Variants in ZNF592 observed in about 807,000 individuals in gnomAD.
ZNF592 encodes the protein spinocerebellar ataxia, autosomal recessive 5.
In ZNF592, 11 loss-of-function variants were observed where a neutral mutation model predicts 80.3. The observed-to-expected ratio is 0.14, with a 90% CI of 0.09 to 0.23. The LOEUF is 0.23. ZNF592 is among the 10% of genes least tolerant of loss of function. ZNF592 has a pLI of 1.00. For synonymous variants in ZNF592, 646 were observed against 640.3 expected (o/e 1.01, Z -0.13); for missense variants, 1,420 against 1,633.9 (o/e 0.87, Z 2.26).
intron 4 of ZNF592, among the ~76,000 whole-genome samples, chr15:84,785,567 C>T (rs961129424): frequency 2.6e-5 from 4 of 152,256 alleles, no homozygotes; most frequent in Non-Finnish European, 4.4e-5. Flanking sequence ...CCACCTCAGC[C>T]TCCCAGAGTG....
chr15:84,790,458 G>A (rs1057402019), intron 4 of ZNF592, among the ~76,000 whole-genome samples: 2 of 152,176 alleles, frequency 1.3e-5, no homozygotes, highest in Non-Finnish European at 2.9e-5. Context: ...GGCGGAACTG[G>A]TCTTTGAGAG....
At chr15:84,749,437 C>T (rs558467230) in intron 1 of ZNF592, among the ~76,000 whole-genome samples, 15 of 152,086 alleles carry the variant, frequency 9.9e-5, no homozygotes, top group Non-Finnish European at 1.6e-4. Flanking sequence ...CTGAGTACTG[C>T]AGGATTATTG....
chr15:84,782,557 G>A lies in ZNF592; in HGVS notation c.-19-100G>A, dbSNP rs1962448289. On this transcript the variant is annotated intron_variant, in intron 3 of 10. Coordinates refer to ENST00000560079, the MANE Select transcript of ZNF592 (RefSeq NM_014630.3). ...GTCATAGTATGTGGGGTTCTGCATG[G>A]GTGTGCTGGCTGTGTGTGCATTAGT... is the stretch of plus-strand genomic sequence containing the variant. 17 of 1,098,834 alleles carry A rather than the reference G, an allele frequency of 1.5e-5. No homozygotes were observed. The South Asian group carries it at 2.1e-4, about 14-fold the overall frequency. 68.1% of individuals were successfully genotyped at this position (1,098,834 alleles called of 1,614,324 possible).
At chr15:84,782,444 C>G (rs1224028324) in intron 3 of ZNF592, among the ~76,000 whole-genome samples, 2 of 152,140 alleles carry the variant, frequency 1.3e-5, no homozygotes, top group African/African-American at 4.8e-5. Context: ...AGGCTTGTTG[C>G]TACATTTCAC....
intron 2 of ZNF592, among the ~76,000 whole-genome samples, chr15:84,777,210 C>G (rs990349781): frequency 2.6e-5 from 4 of 151,690 alleles, no homozygotes; most frequent in Non-Finnish European, 5.9e-5. Flanking sequence ...GGCGCAGTTG[C>G]TCACGCCTGT....
Position 84,799,114 on chromosome 15 carries a change from C to G in ZNF592, c.3041C>G (p.Pro1014Arg). 1 of 1,614,198 alleles carries G rather than the reference C, an allele frequency of 6.2e-7. No homozygotes were observed. Among genetic ancestry groups the G allele is most frequent in the East Asian group, 2.2e-5 (1 of 44,876 alleles). ...CTTCCTTAGACATTGAAGCGGTACC[C>G]ATGCCGGCAGTGTGAACAGTCCTTC... ...KSHGRTLKRY[P>R]CRQCEQSFHT... The change falls in exon 9 of 11, where the codon CCA becomes CGA. Residue 1014 changes from proline (P) to arginine (R), a missense_variant. Physicochemically the swap from Pro to Arg is moderately radical, Grantham distance 103. This residue lies in a region of ZNF592 where 331 missense variants were observed against 347.0 expected (regional missense o/e 0.95). Transcript: ENST00000560079. This position sits in a 1 kb window ranked among gnomAD's most constrained non-coding sequence, Gnocchi z 4.2.
rs1899328777 is a variant in ZNF592 at position 84,760,820 on chromosome 15, C to A, written c.-258-3887C>A. 2.0e-5 allele frequency among the ~76,000 whole-genome samples: 3 copies of A among 152,152 alleles called. No individual in the cohort carries two copies. The South Asian group carries it at 6.2e-4, about 32-fold the overall frequency. On this transcript the variant is annotated intron_variant, in intron 1 of 10. Coordinates refer to ENST00000560079, the MANE Select transcript of ZNF592 (RefSeq NM_014630.3). ...TACCCCATCTCTTACTGGTGCTGTT[C>A]AGCAGGGAGGCAGTGAGTTGGTGCT...
At chr15:84,801,125 A>G (rs1287912030) in intron 10 of ZNF592, among the ~76,000 whole-genome samples, 4 of 152,232 alleles carry the variant, frequency 2.6e-5, no homozygotes, top group African/African-American at 9.6e-5. Context: ...GTTTGAGACC[A>G]GCCTAGGCAA....
At chr15:84,755,369 C>G (rs1899140240) in intron 1 of ZNF592, among the ~76,000 whole-genome samples, 1 of 151,968 alleles carries the variant, frequency 6.6e-6, no homozygotes, top group Non-Finnish European at 1.5e-5. Flanking sequence ...TGGGCTCAAG[C>G]AATCCTCCTG....
intron 2 of ZNF592, among the ~76,000 whole-genome samples, chr15:84,766,916 G>C (rs1271713745): frequency 6.6e-6 from 1 of 152,076 alleles, no homozygotes; most frequent in South Asian, 2.1e-4. Context: ...GGAACTGTAG[G>C]TTGTCTGTGG....
intron 2 of ZNF592, among the ~76,000 whole-genome samples, chr15:84,776,152 C>T (rs972846025): frequency 6.6e-6 from 1 of 152,218 alleles, no homozygotes; most frequent in African/African-American, 2.4e-5. Flanking sequence ...AGGTCTGGAT[C>T]TATCTAGCTC....
At chr15:84,786,114 C>T (rs1962579537) in intron 4 of ZNF592, among the ~76,000 whole-genome samples, 1 of 152,134 alleles carries the variant, frequency 6.6e-6, no homozygotes. Flanking sequence ...TTGAGCTTTG[C>T]ATGTGTTCCC....
intron 2 of ZNF592, among the ~76,000 whole-genome samples, chr15:84,773,825 C>T (rs1962163808): frequency 6.6e-6 from 1 of 152,062 alleles, no homozygotes; most frequent in East Asian, 1.9e-4. Context: ...TCTGAGATTT[C>T]GCAGGACCTC....
At chr15:84,750,971 T>C (rs921087921) in intron 1 of ZNF592, among the ~76,000 whole-genome samples, 1 of 152,174 alleles carries the variant, frequency 6.6e-6, no homozygotes, top group Non-Finnish European at 1.5e-5. Context: ...ACATGATATT[T>C]ACATTTTAAA....
intron 10 of ZNF592, among the ~76,000 whole-genome samples, chr15:84,800,402 A>C (rs1007944145): frequency 6.6e-6 from 1 of 151,982 alleles, no homozygotes; most frequent in South Asian, 2.1e-4. Flanking sequence ...CAGGCCTAGA[A>C]CCTTCTATCC....
chr15:84,798,688 C>G lies in ZNF592; in HGVS notation c.2837C>G (p.Pro946Arg). The change falls in exon 8 of 11, where the codon CCA (proline) becomes CGA (arginine). Residue 946 changes from proline (P) to arginine (R), a missense_variant. By Grantham distance (103) the Pro-to-Arg change is moderately radical (BLOSUM62 -2). This residue lies in a region of ZNF592 where 331 missense variants were observed against 347.0 expected (regional missense o/e 0.95). Transcript: ENST00000560079. The surrounding 1 kb of genome is among the most constrained non-coding windows in gnomAD (Gnocchi z 4.5). ...SRPGSRVPTEPPATSVAARSS... is the reference protein window; with the variant it reads ...SRPGSRVPTERPATSVAARSS... ...CCTGGCTCTCGAGTTCCCACTGAGCCACCAGCCACTAGTGTGGCTGCTCGG... is the reference window on the plus strand; with the variant it reads ...CCTGGCTCTCGAGTTCCCACTGAGCGACCAGCCACTAGTGTGGCTGCTCGG... 1 of 1,613,738 alleles carries G rather than the reference C, an allele frequency of 6.2e-7. No homozygotes were observed. The highest frequency in any genetic ancestry group is 8.5e-7 in the Non-Finnish European group (1 of 1,180,032).
In ZNF592 at chr15:84,773,828, A is replaced by G. The variant is rs530492940; in HGVS notation, c.-149-4355A>G. ...ACAACTTCAATCTCTGAGATTTCGC[A>G]GGACCTCTTCCAACTCTGGTATGTT... On this transcript the variant is annotated intron_variant, in intron 2 of 10. Transcript: ENST00000560079. Among the ~76,000 whole-genome samples, 4 of 152,244 alleles carry G rather than the reference A, an allele frequency of 2.6e-5. No homozygotes were observed. In the South Asian group the frequency reaches 8.3e-4, roughly 32 times the overall value.
rs768533473 is a variant in ZNF592 at position 84,799,198 on chromosome 15, T to A, written c.3125T>A (p.Phe1042Tyr). The part of the protein sequence containing the change: ...IRNNHDTVKK[F>Y]YTCGYCTEDS... ...AACAACCATGACACAGTAAAGAAGTTCTACACCTGCGGGTGAGTCCCTGGG... is the reference window on the plus strand; with the variant it reads ...AACAACCATGACACAGTAAAGAAGTACTACACCTGCGGGTGAGTCCCTGGG... The change falls in exon 9 of 11, where the codon TTC (phenylalanine) becomes TAC (tyrosine). Residue 1042 changes from phenylalanine to tyrosine, a missense_variant. Phe to Tyr is a conservative substitution (Grantham distance 22). This residue lies in a region of ZNF592 where 331 missense variants were observed against 347.0 expected (regional missense o/e 0.95). Transcript: ENST00000560079. The surrounding 1 kb of genome is among the most constrained non-coding windows in gnomAD (Gnocchi z 4.2). The A allele has an allele frequency of 3.0e-5, 49 of 1,614,130 alleles. No individual in the cohort carries two copies. The South Asian group carries it at 5.4e-4, about 18-fold the overall frequency.
At chr15:84,801,776 T>G in intron 10 of ZNF592, 87 bp from the exon 11 acceptor site, 4 of 1,603,358 alleles carry the variant, frequency 2.5e-6, no homozygotes, top group Non-Finnish European at 3.4e-6. Context: ...GGTGGTGCTT[T>G]CTTTGAGTCC....
Sources: gnomAD v4.1 joint callset for allele counts (sites outside exome capture counted in the v4.1 genomes callset) on GRCh38, gnomAD v4.1.1 for gene constraint, gnomAD v4.1.1 regional missense constraint, Gnocchi (gnomAD v3.1) non-coding constraint, MANE v1.5 for transcripts, NCBI Gene and HGNC (gene_info 2026-07-23, HGNC 2026-07-21) for gene names.